The following MGLL variants were observed in gnomAD, a reference collection of about 807,000 sequenced individuals.
The protein encoded by MGLL is lysophospholipase homolog.
Under a neutral mutation model 29.1 loss-of-function variants are expected in MGLL, and 7 were observed. The observed-to-expected ratio is 0.24, with a 90% CI of 0.14 to 0.45. The LOEUF is 0.45. MGLL is among the 20% of genes least tolerant of loss of function. The probability of loss-of-function intolerance (pLI) is 0.99; values close to 1 mark genes in which losing one functional copy is unlikely to be tolerated. For synonymous variants in MGLL, 148 were observed against 168.3 expected (o/e 0.88, Z 0.93); for missense variants, 356 against 413.6 (o/e 0.86, Z 1.21).
intron 3 of MGLL, among the ~76,000 whole-genome samples, chr3:127,755,048 C>T (rs148721207): frequency 1.7e-3 from 252 of 152,188 alleles, no homozygotes; most frequent in African/African-American, 5.6e-3. Context: ...TGGTTCTGCA[C>T]AGTCACGAGC....
chr3:127,733,746 AAAG>A (rs2076193030), intron 3 of MGLL, among the ~76,000 whole-genome samples: 1 of 152,232 alleles, frequency 6.6e-6, no homozygotes, highest in Non-Finnish European at 1.5e-5. Context: ...AGTCTTGTCA[AAAG>A]CTTCATCCAC....
chr3:127,748,019 C>T (rs529958130), intron 3 of MGLL, among the ~76,000 whole-genome samples: 16 of 152,144 alleles, frequency 1.1e-4, no homozygotes, highest in Admixed American at 9.8e-4. Flanking sequence ...AGATTTCACG[C>T]GGGGAGGAGC....
intron 2 of MGLL, among the ~76,000 whole-genome samples, chr3:127,819,128 C>T (rs554296417): frequency 5.9e-5 from 9 of 152,266 alleles, no homozygotes; most frequent in Admixed American, 2.0e-4. Flanking sequence ...GGTGTTTATA[C>T]GACAGAATTT....
chr3:127,743,555 A>G (rs2076384298), intron 3 of MGLL, among the ~76,000 whole-genome samples: 1 of 144,518 alleles, frequency 6.9e-6, no homozygotes, highest in African/African-American at 2.6e-5. Flanking sequence ...CCATCAGCCG[A>G]CACATTCCAC....
In MGLL at chr3:127,730,686, C is replaced by T. The variant is rs533875886; in HGVS notation, c.263-8120G>A. 3.3e-5 allele frequency among the ~76,000 whole-genome samples: 5 copies of T among 152,310 alleles called. No individual in the cohort carries two copies. The East Asian group carries it at 9.7e-4, about 29-fold the overall frequency. Reference sequence around the variant, plus strand: ...CATAACCCTGAAGCACTTCTTGCCCCTGTCACATGTGAGTTGATCACAGTC... The same window carrying T: ...CATAACCCTGAAGCACTTCTTGCCCTTGTCACATGTGAGTTGATCACAGTC... On this transcript the variant is annotated intron_variant, in intron 3 of 7. Coordinates refer to ENST00000265052, the MANE Select transcript of MGLL (RefSeq NM_007283.7).
intron 3 of MGLL, among the ~76,000 whole-genome samples, chr3:127,738,303 T>TAA (rs34420386): frequency 9.9e-5 from 14 of 141,250 alleles, no homozygotes; most frequent in Admixed American, 3.5e-4. Context: ...TCTGTCTCTT[T>TAA]AAAAAAAAAA....
rs150134786 is a variant in MGLL, at chr3:127,691,276, G to A, written c.*922C>T. 2.8e-3 allele frequency: 427 copies of A among 152,614 alleles called. 7 individuals carry two copies. The highest frequency in any genetic ancestry group is 0.025 in the South Asian group (120 of 4,832). The allele number at this position is 152,614 out of a possible 1,614,324, so 9.5% of individuals were successfully genotyped here. A position where few individuals can be genotyped will look rare whatever the true frequency, so the allele number is the denominator to read the frequency against. On this transcript the variant is annotated 3_prime_UTR_variant, in exon 8 of 8. Transcript: ENST00000265052. ...AGAGCCCTCTGGCCCCACCACTGCC[G>A]GCCCAACCTGTCCAGTTCTGTACAG... is the stretch of plus-strand genomic sequence containing the variant.
intron 3 of MGLL, among the ~76,000 whole-genome samples, chr3:127,754,707 G>A (rs183744808): frequency 7.9e-5 from 12 of 152,190 alleles, no homozygotes; most frequent in Admixed American, 2.0e-4. Context: ...TTTCCTTGTC[G>A]GAGGGCAAGA....
At chr3:127,778,226 G>A (rs930850258) in intron 3 of MGLL, among the ~76,000 whole-genome samples, 3 of 152,220 alleles carry the variant, frequency 2.0e-5, no homozygotes, top group African/African-American at 7.2e-5. Context: ...ACCATAGGCA[G>A]CTCTGTCTAC....
intron 3 of MGLL, among the ~76,000 whole-genome samples, chr3:127,760,671 C>T (rs987400329): frequency 4.6e-5 from 7 of 152,228 alleles, no homozygotes; most frequent in East Asian, 3.9e-4. Context: ...CTGTGCCCCA[C>T]GCCAAGCTGC....
intron 3 of MGLL, among the ~76,000 whole-genome samples, chr3:127,775,328 ACGTTT>A (rs1410855010): frequency 6.6e-6 from 1 of 152,246 alleles, no homozygotes; most frequent in Non-Finnish European, 1.5e-5. Flanking sequence ...CATTTTTCAA[ACGTTT>A]CAAACAAAAA....
intron 3 of MGLL, among the ~76,000 whole-genome samples, chr3:127,770,775 G>T (rs1262244388): frequency 6.6e-6 from 1 of 152,200 alleles, no homozygotes; most frequent in Non-Finnish European, 1.5e-5. Context: ...GTGATCCAAG[G>T]TCAGAGGATC....
At chr3:127,780,390 GA>G (rs201606221) in intron 3 of MGLL, among the ~76,000 whole-genome samples, 176 of 151,458 alleles carry the variant, frequency 1.2e-3, no homozygotes, top group East Asian at 1.7e-3. Flanking sequence ...AATGCAATAG[GA>G]AAAAAAAATT....
rs561209043 is a variant in MGLL at position 127,704,752 on chromosome 3, T to C, written c.600+5824A>G. Reference sequence around the variant, plus strand: ...AAAGTCAAGAAACAACAGTTGCTGGTGAGGCTGTGGAGAAATAGGAACACT... The same window carrying C: ...AAAGTCAAGAAACAACAGTTGCTGGCGAGGCTGTGGAGAAATAGGAACACT... On this transcript the variant is annotated intron_variant, in intron 6 of 7. Transcript: ENST00000265052. 2.0e-5 allele frequency among the ~76,000 whole-genome samples: 3 copies of C among 152,268 alleles called. No individual in the cohort carries two copies. In the East Asian group the frequency reaches 5.8e-4, roughly 29 times the overall value.
chr3:127,734,512 T>G (rs1394497407), intron 3 of MGLL, among the ~76,000 whole-genome samples: 1 of 152,176 alleles, frequency 6.6e-6, no homozygotes, highest in Non-Finnish European at 1.5e-5. Flanking sequence ...TTCTCACCCC[T>G]GCTCCTTCGC....
chr3:127,820,679 G>A (rs1475961817), intron 2 of MGLL, among the ~76,000 whole-genome samples: 4 of 152,116 alleles, frequency 2.6e-5, no homozygotes, highest in Non-Finnish European at 4.4e-5. Context: ...GCGTATGCAC[G>A]TACAGACACA....
Position 127,710,627 on chromosome 3 carries a change from G to T in MGLL, c.549C>A (p.Asn183Lys). Residue 183 changes from asparagine (N) to lysine (K), a missense_variant, in exon 6 of 8, where the codon AAC becomes AAA. Transcript: ENST00000265052. Reference sequence around the variant, plus strand: ...TGGAGTCGATGGGCCCGAGGGACAAGTTTGGCAGCACAAGGTTGAGCACTT... The same window carrying T: ...TGGAGTCGATGGGCCCGAGGGACAATTTTGGCAGCACAAGGTTGAGCACTT... ...AAKVLNLVLPNLSLGPIDSSV... is the reference protein window; with the variant it reads ...AAKVLNLVLPKLSLGPIDSSV... The T allele has an allele frequency of 6.3e-7, 1 of 1,574,868 alleles. No homozygotes were observed.
At chr3:127,706,346 G>A (rs2075601839) in intron 6 of MGLL, among the ~76,000 whole-genome samples, 4 of 152,172 alleles carry the variant, frequency 2.6e-5, no homozygotes, top group Admixed American at 2.6e-4. Flanking sequence ...GAACTCCTCA[G>A]TGTGTCCTGT....
chr3:127,718,008 A>C (rs1484304432), intron 5 of MGLL, among the ~76,000 whole-genome samples: 1 of 152,200 alleles, frequency 6.6e-6, no homozygotes, highest in Non-Finnish European at 1.5e-5. Flanking sequence ...TTCTCAGCAG[A>C]GACAATGTTT....
Sources: gnomAD v4.1 joint callset for allele counts (sites outside exome capture counted in the v4.1 genomes callset) on GRCh38, gnomAD v4.1.1 for gene constraint, MANE v1.5 for transcripts, NCBI Gene and HGNC (gene_info 2026-07-23, HGNC 2026-07-21) for gene names.